Variants in LRRTM4 observed in about 807,000 individuals in gnomAD.
The protein encoded by LRRTM4 is leucine-rich repeat transmembrane neuronal protein 4.
A neutral mutation model predicts 47.6 loss-of-function variants in LRRTM4; 25 were observed. The observed-to-expected ratio is 0.53, with a 90% CI of 0.38 to 0.73. The LOEUF is 0.73. Ranked by LOEUF, LRRTM4 falls within the 30% of genes least tolerant of loss-of-function variation. The pLI is 0.00. For synonymous variants in LRRTM4, 311 were observed against 269.5 expected, an observed-to-expected ratio of 1.15 and a Z score of -1.51; for missense variants, 638 against 713.4, an observed-to-expected ratio of 0.89 and a Z score of 1.20.
intron 3 of LRRTM4, among the ~76,000 whole-genome samples, chr2:77,408,701 T>C (rs35472597): frequency 6.1e-4 from 93 of 152,310 alleles, no homozygotes; most frequent in Non-Finnish European, 1.0e-3. Flanking sequence ...TGATTCCCCA[T>C]TGTGGCCCTT....
At chr2:77,249,958 C>A (rs574139015) in intron 3 of LRRTM4, among the ~76,000 whole-genome samples, 2 of 152,080 alleles carry the variant, frequency 1.3e-5, no homozygotes, top group Non-Finnish European at 2.9e-5. Context: ...AAACTATGGT[C>A]CATCTATATA....
chr2:77,250,907 C>T (rs1573143425), intron 3 of LRRTM4, among the ~76,000 whole-genome samples: 1 of 152,152 alleles, frequency 6.6e-6, no homozygotes, highest in East Asian at 1.9e-4. Context: ...AGTTCGAGAC[C>T]AGTCTGACCA....
chr2:76,964,495 T>A (rs937493388), intron 3 of LRRTM4, among the ~76,000 whole-genome samples: 1 of 150,886 alleles, frequency 6.6e-6, no homozygotes, highest in African/African-American at 2.4e-5. Context: ...TTACCAATTG[T>A]TTTTTTCCTG....
intron 3 of LRRTM4, among the ~76,000 whole-genome samples, chr2:77,060,101 T>C (rs1481196825): frequency 6.6e-6 from 1 of 152,228 alleles, no homozygotes; most frequent in African/African-American, 2.4e-5. Context: ...ATTTGCAAAC[T>C]ATTTCATGGT....
At chr2:76,819,573 T>G (rs1026542086) in intron 3 of LRRTM4, among the ~76,000 whole-genome samples, 3 of 151,916 alleles carry the variant, frequency 2.0e-5, no homozygotes, top group Admixed American at 1.3e-4. Flanking sequence ...ATAATATTTT[T>G]GAAAATATCT....
chr2:76,812,798 C>A (rs1015761920), intron 3 of LRRTM4, among the ~76,000 whole-genome samples: 3 of 82,842 alleles, frequency 3.6e-5, no homozygotes, highest in South Asian at 3.9e-4. Flanking sequence ...CCCTCCCCCC[C>A]CTCCTCCTCC....
At chr2:77,190,955 CTT>C (rs949480016) in intron 3 of LRRTM4, among the ~76,000 whole-genome samples, 7 of 152,114 alleles carry the variant, frequency 4.6e-5, no homozygotes, top group African/African-American at 1.4e-4. Flanking sequence ...AGGAAGTTCT[CTT>C]TGTTATGCTA....
intron 3 of LRRTM4, among the ~76,000 whole-genome samples, chr2:77,253,765 T>C (rs1328981887): frequency 6.6e-6 from 1 of 152,020 alleles, no homozygotes; most frequent in African/African-American, 2.4e-5. Context: ...GAAGAGAGTA[T>C]AATCAAAAGT....
chr2:77,165,223 T>C (rs1011190381), intron 3 of LRRTM4, among the ~76,000 whole-genome samples: 17 of 152,120 alleles, frequency 1.1e-4, no homozygotes, highest in Non-Finnish European at 1.9e-4. Context: ...AAAAAGTGGA[T>C]AAATTCCTGG....
chr2:76,984,430 T>C (rs934658896), intron 3 of LRRTM4, among the ~76,000 whole-genome samples: 1 of 151,994 alleles, frequency 6.6e-6, no homozygotes, highest in African/African-American at 2.4e-5. Context: ...CTGTTGCATG[T>C]TTTAGTTGTT....
intron 3 of LRRTM4, among the ~76,000 whole-genome samples, chr2:77,203,290 A>G (rs1674029489): frequency 6.6e-6 from 1 of 152,072 alleles, no homozygotes; most frequent in Non-Finnish European, 1.5e-5. Context: ...AACGGCAAAA[A>G]CAAGCGTCCA....
At chr2:76,904,110 G>A (rs187523864) in intron 3 of LRRTM4, among the ~76,000 whole-genome samples, 1 of 152,192 alleles carries the variant, frequency 6.6e-6, no homozygotes, top group Non-Finnish European at 1.5e-5. Context: ...ATGGAGGAGA[G>A]AAGTTACTTC....
chr2:77,383,926 G>C lies in LRRTM4; in HGVS notation c.1551+134392C>G, dbSNP rs144133026. Among the ~76,000 whole-genome samples the C allele has an allele frequency of 5.9e-5, 9 of 152,226 alleles. No homozygotes were observed. In the East Asian group the frequency reaches 1.7e-3, roughly 29 times the overall value. On this transcript the variant is annotated intron_variant, in intron 3 of 3. Transcript: ENST00000409884. ...AGAATTCTGATGCGAGCTCAGGTAA[G>C]AGAACCACTACACTAGGCTGTACTC... is the stretch of plus-strand genomic sequence containing the variant.
chr2:77,239,773 A>C (rs1675206688), intron 3 of LRRTM4, among the ~76,000 whole-genome samples: 1 of 151,870 alleles, frequency 6.6e-6, no homozygotes, highest in Admixed American at 6.6e-5. Context: ...AGGAAAATTG[A>C]TAGAATTGAA....
intron 3 of LRRTM4, among the ~76,000 whole-genome samples, chr2:77,099,372 T>C (rs1213849246): frequency 1.3e-5 from 2 of 151,972 alleles, no homozygotes; most frequent in Non-Finnish European, 2.9e-5. Flanking sequence ...ATACAATGAA[T>C]ATATTCTGAC....
At position 77,343,423 on chromosome 2, in the gene LRRTM4, A is replaced by T. The variant is rs1019274321; in HGVS notation, c.1551+174895T>A. ...CAAATTAATTTTTGGATTTTATTTTATGTATATTAACTCTTGAAGACTAGT... is the reference window on the plus strand; with the variant it reads ...CAAATTAATTTTTGGATTTTATTTTTTGTATATTAACTCTTGAAGACTAGT... On this transcript the variant is annotated intron_variant, in intron 3 of 3. Coordinates refer to ENST00000409884, the MANE Select transcript of LRRTM4 (RefSeq NM_001134745.3). 2.0e-5 allele frequency among the ~76,000 whole-genome samples: 3 copies of T among 151,944 alleles called. No individual in the cohort carries two copies. The East Asian group carries it at 5.8e-4, about 29-fold the overall frequency.
intron 3 of LRRTM4, among the ~76,000 whole-genome samples, chr2:76,954,608 G>T (rs1400988179): frequency 1.3e-5 from 2 of 151,722 alleles, no homozygotes; most frequent in Admixed American, 6.6e-5. Context: ...GAGAGAAAGG[G>T]CCAGAAAGCT....
At chr2:77,455,507 T>C (rs1348994849) in intron 3 of LRRTM4, among the ~76,000 whole-genome samples, 1 of 152,048 alleles carries the variant, frequency 6.6e-6, no homozygotes, top group Non-Finnish European at 1.5e-5. Flanking sequence ...GCCTCCAACA[T>C]ACCACACACT....
chr2:77,485,598 A>G (rs984149430), intron 3 of LRRTM4, among the ~76,000 whole-genome samples: 1 of 152,232 alleles, frequency 6.6e-6, no homozygotes, highest in Non-Finnish European at 1.5e-5. Context: ...CTAGGAAAAT[A>G]AAAGGAACCA....
Sources: allele counts gnomAD v4.1 joint callset (sites outside exome capture counted in the v4.1 genomes callset), GRCh38; gene constraint gnomAD v4.1.1; transcripts MANE v1.5; gene names NCBI Gene and HGNC (gene_info 2026-07-23, HGNC 2026-07-21).